The following FSHR variants were observed in gnomAD, a reference collection of about 807,000 sequenced individuals.
FSHR encodes the protein follicle stimulating hormone receptor.
A neutral mutation model predicts 52.1 loss-of-function variants in FSHR; 46 were observed. The observed-to-expected ratio is 0.88, with a 90% confidence interval of 0.70 to 1.13. The LOEUF is 1.13. Ranked by LOEUF, FSHR falls within the 50% of genes most tolerant of loss-of-function variation. The probability of loss-of-function intolerance (pLI) is 0.00; values close to 1 mark genes in which losing one functional copy is unlikely to be tolerated. For missense variants in FSHR, 964 were observed against 834.6 expected, an observed-to-expected ratio of 1.16 and a Z score of -1.91; for synonymous variants, 399 against 309.6, an observed-to-expected ratio of 1.29 and a Z score of -3.03.
At chr2:49,134,577 A>C (rs1202473839) in intron 1 of FSHR, among the ~76,000 whole-genome samples, 1 of 152,224 alleles carries the variant, frequency 6.6e-6, no homozygotes, top group Non-Finnish European at 1.5e-5. Flanking sequence ...ATATACCCAA[A>C]GGATTATAAA....
At chr2:49,006,681 A>G (rs1228641069) in intron 4 of FSHR, among the ~76,000 whole-genome samples, 1 of 152,056 alleles carries the variant, frequency 6.6e-6, no homozygotes, top group Admixed American at 6.6e-5. Context: ...CAGTCTTCTC[A>G]CTCAGGATCA....
In FSHR at chr2:48,987,774, C is replaced by T. The variant is rs147187583; in HGVS notation, c.524+1203G>A. On this transcript the variant is annotated intron_variant, in intron 6 of 9. Transcript: ENST00000406846. ...CTTTGTATATCATTCATTCTGCTCGCGTTTTAGTTTATTCCTTTTGCTTTC... is the reference window on the plus strand; with the variant it reads ...CTTTGTATATCATTCATTCTGCTCGTGTTTTAGTTTATTCCTTTTGCTTTC... Among the ~76,000 whole-genome samples, 282 of 151,456 alleles carry T rather than the reference C, an allele frequency of 1.9e-3. 1 individual carries two copies. The highest frequency in any genetic ancestry group is 3.4e-3 in the Non-Finnish European group (228 of 67,900).
At position 48,962,245 on chromosome 2, in the gene FSHR, T is replaced by A. The variant is rs1205983023; in HGVS notation, c.*488A>T. The A allele has an allele frequency of 5.0e-6, 1 of 200,540 alleles. No homozygotes were observed. Among genetic ancestry groups the A allele is most frequent in the East Asian group, 1.3e-4 (1 of 7,780 alleles). The allele number at this position is 200,540 out of a possible 1,614,324, so 12.4% of individuals were successfully genotyped here. A position where few individuals can be genotyped will look rare whatever the true frequency, so the allele number is the denominator to read the frequency against. On this transcript the variant is annotated 3_prime_UTR_variant, in exon 10 of 10. Transcript: ENST00000406846. ...AGGCTTCAGATGGGTGTTCAATTAA[T>A]ATTTGTTGAATGAATGAATGAATGA...
chr2:49,025,894 G>T (rs1667896887), intron 2 of FSHR, among the ~76,000 whole-genome samples: 1 of 152,184 alleles, frequency 6.6e-6, no homozygotes, highest in African/African-American at 2.4e-5. Context: ...GCCTCAACAT[G>T]GATTGTCTCC....
chr2:49,084,471 C>G (rs1341234192), intron 1 of FSHR, among the ~76,000 whole-genome samples: 1 of 152,050 alleles, frequency 6.6e-6, no homozygotes, highest in Non-Finnish European at 1.5e-5. Context: ...CAAAAGCTAG[C>G]AGAAGGCAAG....
chr2:49,017,370 C>A, intron 4 of FSHR, 119 bp downstream of exon 4: 1 of 726,134 alleles, frequency 1.4e-6, no homozygotes. Context: ...CCACTTCTGC[C>A]CCCCACCACC....
intron 6 of FSHR, among the ~76,000 whole-genome samples, chr2:48,984,333 C>A (rs575445441): frequency 6.6e-6 from 1 of 152,342 alleles, no homozygotes; most frequent in Admixed American, 6.5e-5. Flanking sequence ...GAGAAAGCCT[C>A]TCCCAGGCAC....
intron 2 of FSHR, among the ~76,000 whole-genome samples, chr2:49,047,916 T>C (rs1263405344): frequency 6.6e-6 from 1 of 152,202 alleles, no homozygotes; most frequent in African/African-American, 2.4e-5. Flanking sequence ...TCTTGCTTTG[T>C]TGTCCAGGCT....
chr2:49,005,061 G>T (rs1270401201), intron 4 of FSHR, among the ~76,000 whole-genome samples: 9 of 152,000 alleles, frequency 5.9e-5, no homozygotes, highest in Admixed American at 5.9e-4. Context: ...TTTCAAAAAT[G>T]CAAATTCTCC....
chr2:49,074,396 A>G (rs758585753), intron 1 of FSHR, among the ~76,000 whole-genome samples: 2 of 152,124 alleles, frequency 1.3e-5, no homozygotes, highest in Non-Finnish European at 2.9e-5. Flanking sequence ...ACATTTCCCA[A>G]AAGAAAACAA....
intron 1 of FSHR, among the ~76,000 whole-genome samples, chr2:49,100,126 T>C (rs987872534): frequency 6.6e-6 from 1 of 152,182 alleles, no homozygotes; most frequent in Non-Finnish European, 1.5e-5. Flanking sequence ...ATAGGTACTA[T>C]AATCATTCCA....
At chr2:49,113,113 A>T (rs1671482196) in intron 1 of FSHR, among the ~76,000 whole-genome samples, 1 of 152,130 alleles carries the variant, frequency 6.6e-6, no homozygotes, top group South Asian at 2.1e-4. Flanking sequence ...GAAGATGGAG[A>T]CAATGTGGTA....
At chr2:49,059,908 T>C (rs991187887) in intron 2 of FSHR, among the ~76,000 whole-genome samples, 4 of 152,048 alleles carry the variant, frequency 2.6e-5, no homozygotes, top group Non-Finnish European at 5.9e-5. Context: ...ACAATCAATA[T>C]AGTGAAAAGA....
chr2:48,990,488 A>C, intron 5 of FSHR, 78 bp downstream of exon 5: 1 of 922,020 alleles, frequency 1.1e-6, no homozygotes, highest in Non-Finnish European at 1.8e-6. Context: ...TACACAATGC[A>C]TATTAAAGGC....
intron 4 of FSHR, among the ~76,000 whole-genome samples, chr2:49,012,344 A>G (rs1559134151): frequency 6.6e-6 from 1 of 152,162 alleles, no homozygotes. Flanking sequence ...ATTGACTTAA[A>G]AAAATCCACC....
Position 48,962,719 on chromosome 2 carries a change from T to C in FSHR, c.*14A>G. 1 of 1,611,044 alleles carries C rather than the reference T, an allele frequency of 6.2e-7. No individual in the cohort carries two copies. The highest frequency in any genetic ancestry group is 8.5e-7 in the Non-Finnish European group (1 of 1,177,212). On this transcript the variant is annotated 3_prime_UTR_variant, in exon 10 of 10. Transcript: ENST00000406846. ...ATTATCATTCAATACTCAGATACATTTTCACATTGTGTTTTAGTTTTGGGC... is the reference window on the plus strand; with the variant it reads ...ATTATCATTCAATACTCAGATACATCTTCACATTGTGTTTTAGTTTTGGGC...
chr2:49,044,883 A>G (rs545583993), intron 2 of FSHR, among the ~76,000 whole-genome samples: 8 of 152,274 alleles, frequency 5.3e-5, no homozygotes, highest in Middle Eastern at 3.4e-3. Context: ...CTCAGGCTCA[A>G]TTAGCCCAGA....
chr2:49,109,606 G>C (rs1671353772), intron 1 of FSHR, among the ~76,000 whole-genome samples: 1 of 152,098 alleles, frequency 6.6e-6, no homozygotes. Flanking sequence ...TCCTGTTTTA[G>C]CTATGTGGAC....
At chr2:49,136,973 A>G (rs1672510913) in intron 1 of FSHR, among the ~76,000 whole-genome samples, 1 of 152,124 alleles carries the variant, frequency 6.6e-6, no homozygotes, top group African/African-American at 2.4e-5. Context: ...GTGCACTCCC[A>G]CTACTTCCAT....
Sources: allele counts gnomAD v4.1 joint callset (sites outside exome capture counted in the v4.1 genomes callset), GRCh38; gene constraint gnomAD v4.1.1; transcripts MANE v1.5; gene names NCBI Gene and HGNC (gene_info 2026-07-23, HGNC 2026-07-21).